Variants in CSMD1 observed in about 807,000 individuals in gnomAD.
The protein encoded by CSMD1 is CUB and Sushi multiple domains 1.
Under a neutral mutation model 417.5 loss-of-function variants are expected in CSMD1, and 213 were observed. That is an observed-to-expected ratio of 0.51 (90% CI 0.46 to 0.57). The LOEUF is 0.57. Among genes scored for constraint, CSMD1 ranks in the 20% least tolerant of loss-of-function variants. The pLI is 0.00. For missense variants in CSMD1, 6,923 were observed against 4,529.7 expected, an observed-to-expected ratio of 1.53 and a Z score of -15.17; for synonymous variants, 2,862 against 1,736.8, an observed-to-expected ratio of 1.65 and a Z score of -16.11.
intron 7 of CSMD1, among the ~76,000 whole-genome samples, chr8:3,706,619 C>T (rs1452087881): frequency 6.6e-6 from 1 of 152,170 alleles, no homozygotes; most frequent in Non-Finnish European, 1.5e-5. Flanking sequence ...AAAAAAAGCT[C>T]TGCCTCAATC....
chr8:3,739,093 G>C (rs928383456), intron 6 of CSMD1, among the ~76,000 whole-genome samples: 1 of 151,950 alleles, frequency 6.6e-6, no homozygotes, highest in Non-Finnish European at 1.5e-5. Flanking sequence ...AAAATAGTGG[G>C]GATTTATTCT....
At chr8:3,389,204 T>C (rs1811199885) in intron 17 of CSMD1, among the ~76,000 whole-genome samples, 1 of 152,162 alleles carries the variant, frequency 6.6e-6, no homozygotes, top group African/African-American at 2.4e-5. Flanking sequence ...GTACAGATTA[T>C]TTCCTCACCC....
intron 2 of CSMD1, among the ~76,000 whole-genome samples, chr8:4,599,432 A>T (rs1381139627): frequency 6.6e-6 from 1 of 151,962 alleles, no homozygotes; most frequent in Admixed American, 6.6e-5. Context: ...CCTAAATTGG[A>T]GTAAATTGTA....
intron 41 of CSMD1, among the ~76,000 whole-genome samples, chr8:3,120,541 T>C (rs1480219449): frequency 2.0e-5 from 3 of 152,160 alleles, no homozygotes; most frequent in Non-Finnish European, 4.4e-5. Context: ...AATGGCATTG[T>C]TGCCTCTTTA....
Position 3,190,084 on chromosome 8 carries a change from G to A in CSMD1, c.5226C>T (p.Ser1742=). The change falls in exon 34 of 70, where the codon AGC becomes AGT. Residue 1742 remains serine (S), a synonymous_variant. Transcript: ENST00000635120. ...TTCCGTATCTGGGCTCGGGGACAGA[G>A]CTGCATTGGGTGTCACTGGTACGAG... The part of the protein sequence containing the change: ...AVPRTSDTQC[S]SVPEPRYGRR... 6.3e-7 allele frequency: 1 copy of A among 1,593,592 alleles called. No individual in the cohort carries two copies. Among genetic ancestry groups the A allele is most frequent in the Non-Finnish European group, 8.5e-7 (1 of 1,170,108 alleles).
At chr8:4,104,880 C>A (rs569190627) in intron 3 of CSMD1, among the ~76,000 whole-genome samples, 1 of 152,062 alleles carries the variant, frequency 6.6e-6, no homozygotes, top group Non-Finnish European at 1.5e-5. Context: ...ATTACTTTTT[C>A]TTTTGTATCC....
At chr8:3,632,139 G>A (rs990009218) in intron 7 of CSMD1, among the ~76,000 whole-genome samples, 2 of 152,006 alleles carry the variant, frequency 1.3e-5, no homozygotes, top group African/African-American at 2.4e-5. Flanking sequence ...TAACATTCCT[G>A]CTAGAGAAAA....
chr8:4,050,468 C>A (rs73658548), intron 3 of CSMD1, among the ~76,000 whole-genome samples: 3,794 of 152,078 alleles, frequency 0.025, 168 homozygotes, highest in African/African-American at 0.086. Flanking sequence ...TTGATACAGG[C>A]ATACGATGAA....
chr8:3,581,196 A>G (rs1800368218), intron 9 of CSMD1, among the ~76,000 whole-genome samples: 1 of 152,188 alleles, frequency 6.6e-6, no homozygotes, highest in Non-Finnish European at 1.5e-5. Flanking sequence ...AAAAAATAGA[A>G]CGATATACTC....
At chr8:4,802,515 G>C (rs901447431) in intron 1 of CSMD1, among the ~76,000 whole-genome samples, 1 of 152,132 alleles carries the variant, frequency 6.6e-6, no homozygotes, top group African/African-American at 2.4e-5. Flanking sequence ...AGAAAAGACA[G>C]AGTGTGAATT....
chr8:3,333,794 G>A lies in CSMD1; in HGVS notation c.3631+9500C>T, dbSNP rs544960241. Among the ~76,000 whole-genome samples, 9 of 152,262 alleles carry A rather than the reference G, an allele frequency of 5.9e-5. No individual in the cohort carries two copies. In the South Asian group the frequency reaches 8.3e-4, roughly 14 times the overall value. On this transcript the variant is annotated intron_variant, in intron 23 of 69. Coordinates refer to ENST00000635120, the MANE Select transcript of CSMD1 (RefSeq NM_033225.6). ...TCAATTTCCTAAAATATAATACACC[G>A]TAAAAAGCAAGAAGGCAGTGAATGC...
chr8:4,243,434 T>A (rs1040824611), intron 3 of CSMD1, among the ~76,000 whole-genome samples: 2 of 152,180 alleles, frequency 1.3e-5, no homozygotes, highest in African/African-American at 4.8e-5. Context: ...CTTGTTCCCC[T>A]GTAACTGACA....
chr8:3,523,141 G>C (rs562007463), intron 10 of CSMD1, among the ~76,000 whole-genome samples: 67 of 151,960 alleles, frequency 4.4e-4, no homozygotes, highest in African/African-American at 1.5e-3. Flanking sequence ...GTAGAAAATT[G>C]TCCTCCTTGG....
At chr8:3,672,566 G>C (rs1424608958) in intron 7 of CSMD1, among the ~76,000 whole-genome samples, 1 of 152,170 alleles carries the variant, frequency 6.6e-6, no homozygotes, top group Non-Finnish European at 1.5e-5. Flanking sequence ...ATGGTTTAAA[G>C]CTCATGGATT....
chr8:3,511,043 T>C (rs940358106), intron 10 of CSMD1, among the ~76,000 whole-genome samples: 1 of 151,772 alleles, frequency 6.6e-6, no homozygotes, highest in Non-Finnish European at 1.5e-5. Context: ...TGGAATACTA[T>C]GCAGCAATAA....
intron 64 of CSMD1, among the ~76,000 whole-genome samples, chr8:2,954,679 C>T (rs576213293): frequency 4.9e-4 from 75 of 152,258 alleles, no homozygotes; most frequent in South Asian, 4.4e-3. Context: ...TCAATTTATA[C>T]GTTACTACTG....
At chr8:3,474,023 G>T (rs112020079) in intron 11 of CSMD1, among the ~76,000 whole-genome samples, 4 of 151,812 alleles carry the variant, frequency 2.6e-5, no homozygotes, top group Admixed American at 6.6e-5. Context: ...GGGGGAAACT[G>T]CCCCCATGAT....
At position 3,555,895 on chromosome 8, in the gene CSMD1, G is replaced by A. The variant is rs554265022; in HGVS notation, c.1344+19050C>T. ...AATAATACTGTTTAGGGTTCCAGAA[G>A]TCAGTCAAATGTGATATTAAAACAG... On this transcript the variant is annotated intron_variant, in intron 10 of 69. Coordinates refer to ENST00000635120, the MANE Select transcript of CSMD1 (RefSeq NM_033225.6). Among the ~76,000 whole-genome samples the A allele has an allele frequency of 7.7e-4, 117 of 152,234 alleles. 1 individual carries two copies. Among genetic ancestry groups the A allele is most frequent in the South Asian group, 2.7e-3 (13 of 4,830 alleles).
intron 20 of CSMD1, among the ~76,000 whole-genome samples, chr8:3,362,199 A>G (rs1252116900): frequency 6.6e-6 from 1 of 152,186 alleles, no homozygotes; most frequent in Non-Finnish European, 1.5e-5. Context: ...TGGACTTCAC[A>G]GTCACCCAGC....
Sources: allele counts gnomAD v4.1 joint callset (sites outside exome capture counted in the v4.1 genomes callset), GRCh38; gene constraint gnomAD v4.1.1; transcripts MANE v1.5; gene names NCBI Gene and HGNC (gene_info 2026-07-23, HGNC 2026-07-21).